The following HS3ST5 variants were observed in gnomAD, a reference collection of about 807,000 sequenced individuals.
HS3ST5 encodes heparan sulfate glucosamine 3-O-sulfotransferase 5.
In HS3ST5, 10 loss-of-function variants were observed where a neutral mutation model predicts 25.4. The ratio of observed to expected loss-of-function variants is 0.39; its 90% CI spans 0.24 to 0.67. The LOEUF is 0.67. Ranked by LOEUF, HS3ST5 falls within the 30% of genes least tolerant of loss-of-function variation. The pLI is 0.44. For missense variants in HS3ST5, 324 were observed against 420.7 expected (o/e 0.77, Z 2.01); for synonymous variants, 170 against 162.4 (o/e 1.05, Z -0.36).
intron 2 of HS3ST5, among the ~76,000 whole-genome samples, chr6:114,197,352 C>T (rs1299408729): frequency 6.6e-6 from 1 of 152,014 alleles, no homozygotes; most frequent in Admixed American, 6.6e-5. Context: ...TTGATGACTT[C>T]CCATATACTC....
chr6:114,266,988 T>G lies in HS3ST5; in HGVS notation c.-338-38210A>C, dbSNP rs115226792. 9.5e-3 allele frequency among the ~76,000 whole-genome samples: 1,452 copies of G among 152,342 alleles called. 24 individuals are homozygous for G. Among genetic ancestry groups the G allele is most frequent in the African/African-American group, 0.033 (1,377 of 41,566 alleles). On this transcript the variant is annotated intron_variant, in intron 1 of 4. Coordinates refer to ENST00000312719, the MANE Select transcript of HS3ST5 (RefSeq NM_153612.4). ...AGAACACTTGGCTCTCACATTTTAT[T>G]GCATCTTATTATTGTCTTGCCTCTG...
At chr6:114,315,685 T>C (rs1425059125) in intron 1 of HS3ST5, among the ~76,000 whole-genome samples, 1 of 152,242 alleles carries the variant, frequency 6.6e-6, no homozygotes, top group African/African-American at 2.4e-5. Flanking sequence ...TTTCATGCTC[T>C]GTTTTATGAA....
chr6:114,190,257 G>C (rs376205392), intron 2 of HS3ST5, among the ~76,000 whole-genome samples: 1 of 152,090 alleles, frequency 6.6e-6, no homozygotes. Context: ...GCTTACCCTT[G>C]CTTCACAGTT....
At chr6:114,130,659 T>C (rs890367081) in intron 3 of HS3ST5, among the ~76,000 whole-genome samples, 1 of 152,120 alleles carries the variant, frequency 6.6e-6, no homozygotes, top group African/African-American at 2.4e-5. Context: ...AAGCTCCGCC[T>C]CCTGGGTTCA....
chr6:114,083,707 T>C (rs1478436476), intron 3 of HS3ST5, among the ~76,000 whole-genome samples: 1 of 152,226 alleles, frequency 6.6e-6, no homozygotes, highest in Non-Finnish European at 1.5e-5. Flanking sequence ...TGGGATCCAC[T>C]AGGTTTCCCA....
intron 2 of HS3ST5, among the ~76,000 whole-genome samples, chr6:114,184,725 C>A (rs1780136818): frequency 6.6e-6 from 1 of 152,226 alleles, no homozygotes; most frequent in Non-Finnish European, 1.5e-5. Flanking sequence ...CCAGGTAGAA[C>A]CATGGGGACA....
At chr6:114,285,036 TAA>T (rs1398047552) in intron 1 of HS3ST5, among the ~76,000 whole-genome samples, 1 of 152,068 alleles carries the variant, frequency 6.6e-6, no homozygotes, top group African/African-American at 2.4e-5. Flanking sequence ...GATTAGCTAG[TAA>T]ATATCTGAAT....
At chr6:114,278,109 C>T (rs1773946126) in intron 1 of HS3ST5, among the ~76,000 whole-genome samples, 1 of 151,882 alleles carries the variant, frequency 6.6e-6, no homozygotes, top group African/African-American at 2.4e-5. Flanking sequence ...TCCTGACATT[C>T]GGGTTAAGTC....
intron 2 of HS3ST5, among the ~76,000 whole-genome samples, chr6:114,212,446 G>T (rs767368488): frequency 6.6e-5 from 10 of 152,042 alleles, no homozygotes; most frequent in Non-Finnish European, 1.2e-4. Flanking sequence ...CTAACACCAT[G>T]ATGCCAACAT....
intron 4 of HS3ST5, chr6:114,059,798 A>C (rs1772991792): frequency 6.6e-6 from 1 of 152,234 alleles, no homozygotes; most frequent in Non-Finnish European, 1.5e-5. Flanking sequence ...ACTCAGTCTC[A>C]GGTATGTCTT....
chr6:114,297,755 T>C (rs1302035165), intron 1 of HS3ST5, among the ~76,000 whole-genome samples: 1 of 152,176 alleles, frequency 6.6e-6, no homozygotes, highest in African/African-American at 2.4e-5. Flanking sequence ...CTACACAATT[T>C]TGTGTAAACT....
intron 1 of HS3ST5, among the ~76,000 whole-genome samples, chr6:114,301,586 A>G (rs911017193): frequency 1.3e-5 from 2 of 152,026 alleles, no homozygotes; most frequent in African/African-American, 2.4e-5. Flanking sequence ...CTATTGCATC[A>G]GCACCAGAGC....
chr6:114,092,873 C>T (rs1201094274), intron 3 of HS3ST5, among the ~76,000 whole-genome samples: 1 of 151,940 alleles, frequency 6.6e-6, no homozygotes, highest in Non-Finnish European at 1.5e-5. Context: ...TGGGGTTTCA[C>T]CATGTTGGCC....
intron 1 of HS3ST5, among the ~76,000 whole-genome samples, chr6:114,297,786 C>T (rs2114797363): frequency 6.6e-6 from 1 of 152,300 alleles, no homozygotes; most frequent in South Asian, 2.1e-4. Flanking sequence ...ATGCTAGTCT[C>T]ATGAAACTGT....
intron 1 of HS3ST5, among the ~76,000 whole-genome samples, chr6:114,245,105 A>T (rs1450146565): frequency 2.0e-5 from 3 of 152,208 alleles, no homozygotes. Context: ...AGTGTAGAAG[A>T]TCTATATTGA....
chr6:114,308,675 C>G (rs1459350732), intron 1 of HS3ST5, among the ~76,000 whole-genome samples: 1 of 152,154 alleles, frequency 6.6e-6, no homozygotes, highest in Non-Finnish European at 1.5e-5. Flanking sequence ...TCACTGTTGA[C>G]ATAGACCTGT....
intron 3 of HS3ST5, among the ~76,000 whole-genome samples, chr6:114,101,072 A>G (rs1264867446): frequency 1.3e-5 from 2 of 152,260 alleles, no homozygotes; most frequent in African/African-American, 4.8e-5. Flanking sequence ...AGGAAAGTTC[A>G]GTTAGGTCTG....
chr6:114,252,256 T>C (rs1166084922), intron 1 of HS3ST5, among the ~76,000 whole-genome samples: 1 of 152,166 alleles, frequency 6.6e-6, no homozygotes, highest in Non-Finnish European at 1.5e-5. Flanking sequence ...CTGCAGAGGT[T>C]TTAGAGTTAA....
At chr6:114,248,869 G>A (rs1180984450) in intron 1 of HS3ST5, among the ~76,000 whole-genome samples, 1 of 152,240 alleles carries the variant, frequency 6.6e-6, no homozygotes, top group Non-Finnish European at 1.5e-5. Flanking sequence ...ACAGCAGTGA[G>A]CAAAAGCAAG....
Sources: gnomAD v4.1 joint callset for allele counts (sites outside exome capture counted in the v4.1 genomes callset) on GRCh38, gnomAD v4.1.1 for gene constraint, MANE v1.5 for transcripts, NCBI Gene and HGNC (gene_info 2026-07-23, HGNC 2026-07-21) for gene names.